The following CLCN3 variants were observed in gnomAD, a reference collection of about 807,000 sequenced individuals.
CLCN3 encodes the protein H(+)/Cl(-) exchange transporter 3.
CLCN3 carries 16 observed loss-of-function variants against 83.4 expected under a neutral mutation model. The ratio of observed to expected loss-of-function variants is 0.19; its 90% CI spans 0.13 to 0.29. The LOEUF is 0.29. Ranked by LOEUF, CLCN3 falls within the 10% of genes least tolerant of loss-of-function variation. CLCN3 has a pLI of 1.00. For synonymous variants in CLCN3, 322 were observed against 346.2 expected, an observed-to-expected ratio of 0.93 and a Z score of 0.78; for missense variants, 544 against 1,006.0, an observed-to-expected ratio of 0.54 and a Z score of 6.21.
intron 5 of CLCN3, among the ~76,000 whole-genome samples, chr4:169,689,536 A>G (rs1362364927): frequency 6.6e-6 from 1 of 152,232 alleles, no homozygotes; most frequent in Non-Finnish European, 1.5e-5. Context: ...TCAAGTTATT[A>G]AAACTAATAT....
chr4:169,659,152 G>A (rs1730970584), intron 2 of CLCN3, among the ~76,000 whole-genome samples: 2 of 151,972 alleles, frequency 1.3e-5, no homozygotes, highest in South Asian at 4.1e-4. Flanking sequence ...AACACCTTTT[G>A]TTGTTGTTGT....
intron 7 of CLCN3, among the ~76,000 whole-genome samples, chr4:169,692,622 T>A (rs776412098): frequency 6.6e-6 from 1 of 152,302 alleles, no homozygotes; most frequent in South Asian, 2.1e-4. Flanking sequence ...TCTTCTGAAG[T>A]GTTTTCTAAG....
intron 2 of CLCN3, 55 bp downstream of exon 2, chr4:169,636,143 A>G: frequency 7.0e-7 from 1 of 1,437,330 alleles, no homozygotes; most frequent in Admixed American, 2.1e-5. Flanking sequence ...ACTAATAAAT[A>G]TGTACACTAT....
At chr4:169,716,216 C>T (rs1733417391) in intron 12 of CLCN3, among the ~76,000 whole-genome samples, 2 of 152,154 alleles carry the variant, frequency 1.3e-5, no homozygotes, top group Admixed American at 1.3e-4. Context: ...ATGCTCAAAT[C>T]GCTCTTCTCC....
intron 2 of CLCN3, among the ~76,000 whole-genome samples, chr4:169,646,541 C>G (rs552160776): frequency 3.9e-5 from 6 of 152,214 alleles, no homozygotes; most frequent in African/African-American, 1.4e-4. Flanking sequence ...AATGATCTGC[C>G]CCCCTCGGCC....
At chr4:169,686,958 G>A (rs1732185088) in intron 3 of CLCN3, among the ~76,000 whole-genome samples, 1 of 152,132 alleles carries the variant, frequency 6.6e-6, no homozygotes, top group South Asian at 2.1e-4. Context: ...CTCTACCAAT[G>A]GGATCGGAGC....
At chr4:169,623,268 T>C (rs1370225479) in intron 1 of CLCN3, among the ~76,000 whole-genome samples, 1 of 152,248 alleles carries the variant, frequency 6.6e-6, no homozygotes, top group Non-Finnish European at 1.5e-5. Context: ...TTCCTTGTTA[T>C]AATCTGAGTG....
At chr4:169,667,729 T>C (rs1275095477) in intron 2 of CLCN3, among the ~76,000 whole-genome samples, 1 of 125,192 alleles carries the variant, frequency 8.0e-6, no homozygotes, top group Non-Finnish European at 2.0e-5. Context: ...GAACTCATTG[T>C]CCAAATTTTT....
At chr4:169,680,891 C>G (rs1331008233) in intron 3 of CLCN3, among the ~76,000 whole-genome samples, 5 of 152,114 alleles carry the variant, frequency 3.3e-5, no homozygotes, top group African/African-American at 4.8e-5. Context: ...GTCTTCTGCC[C>G]ATGCTGGAGT....
chr4:169,658,238 A>T (rs1730943384), intron 2 of CLCN3, among the ~76,000 whole-genome samples: 1 of 147,386 alleles, frequency 6.8e-6, no homozygotes, highest in Non-Finnish European at 1.5e-5. Flanking sequence ...AATTATATAG[A>T]TATATATTAT....
chr4:169,694,973 G>A (rs1011572419), intron 7 of CLCN3, among the ~76,000 whole-genome samples: 3 of 152,194 alleles, frequency 2.0e-5, no homozygotes, highest in African/African-American at 7.2e-5. Flanking sequence ...CTGGGGAGCT[G>A]GAGAGAGGAC....
chr4:169,646,129 T>C (rs907884778), intron 2 of CLCN3, among the ~76,000 whole-genome samples: 12 of 152,228 alleles, frequency 7.9e-5, no homozygotes, highest in Non-Finnish European at 1.6e-4. Context: ...GGCAGCCATA[T>C]ATACTGTTTA....
At chr4:169,674,475 A>G (rs1454745231) in intron 2 of CLCN3, among the ~76,000 whole-genome samples, 1 of 152,176 alleles carries the variant, frequency 6.6e-6, no homozygotes, top group Non-Finnish European at 1.5e-5. Context: ...GCTTTTTCTC[A>G]AGAAAATTTG....
rs552946214 is a variant in CLCN3, at chr4:169,625,584, C to T, written c.-17+4521C>T. On this transcript the variant is annotated intron_variant, in intron 1 of 12. Transcript: ENST00000513761. ...TGACCTGGAATAGAAACTAAAGCCT[C>T]GACATATAATCCTAAAGTTGGAAAG... Among the ~76,000 whole-genome samples, 9 of 152,206 alleles carry T rather than the reference C, an allele frequency of 5.9e-5. No individual in the cohort carries two copies. In the South Asian group the frequency reaches 1.5e-3, roughly 25 times the overall value.
intron 1 of CLCN3, among the ~76,000 whole-genome samples, chr4:169,631,520 C>T (rs935019310): frequency 1.3e-5 from 2 of 152,002 alleles, no homozygotes; most frequent in African/African-American, 4.8e-5. Flanking sequence ...GATCTCCTGA[C>T]CTCGTGATCC....
chr4:169,664,470 G>A (rs1297089299), intron 2 of CLCN3, among the ~76,000 whole-genome samples: 1 of 152,056 alleles, frequency 6.6e-6, no homozygotes, highest in African/African-American at 2.4e-5. Flanking sequence ...CAGGCTCTTT[G>A]TAAAATGATT....
At chr4:169,695,888 A>C (rs1732542520) in intron 8 of CLCN3, among the ~76,000 whole-genome samples, 196 bp downstream of exon 8, 1 of 152,218 alleles carries the variant, frequency 6.6e-6, no homozygotes, top group Admixed American at 6.5e-5. Flanking sequence ...ACTTTTTAAA[A>C]ATTTATTAAT....
intron 4 of CLCN3, 60 bp downstream of exon 4, chr4:169,687,817 C>T (rs1732221268): frequency 2.4e-6 from 2 of 849,666 alleles, no homozygotes; most frequent in Admixed American, 2.8e-5. Flanking sequence ...CTGTTCTTCC[C>T]TCCTTCCCTC....
chr4:169,668,138 A>G (rs994944474), intron 2 of CLCN3, among the ~76,000 whole-genome samples: 1 of 148,044 alleles, frequency 6.8e-6, no homozygotes, highest in Non-Finnish European at 1.5e-5. Flanking sequence ...AATATAATGC[A>G]ACATGCTGAA....
Sources: gnomAD v4.1 joint callset for allele counts (sites outside exome capture counted in the v4.1 genomes callset) on GRCh38, gnomAD v4.1.1 for gene constraint, MANE v1.5 for transcripts, NCBI Gene and HGNC (gene_info 2026-07-23, HGNC 2026-07-21) for gene names.